Variants in LRRC4C observed in about 807,000 individuals in gnomAD.
LRRC4C encodes leucine rich repeat containing 4C.
LRRC4C carries 5 observed loss-of-function variants against 33.6 expected under a neutral mutation model. The ratio of observed to expected loss-of-function variants is 0.15; its 90% confidence interval spans 0.08 to 0.31. LRRC4C has a LOEUF of 0.31. Among genes scored for constraint, LRRC4C ranks in the 10% least tolerant of loss-of-function variants. The pLI is 1.00. For synonymous variants in LRRC4C, 329 were observed against 302.0 expected (o/e 1.09, Z -0.93); for missense variants, 560 against 796.7 (o/e 0.70, Z 3.58).
At chr11:41,153,983 C>CA (rs140315468) in intron 1 of LRRC4C, among the ~76,000 whole-genome samples, 1,966 of 152,180 alleles carry the variant, frequency 0.013, 52 homozygotes, top group African/African-American at 0.044. Context: ...ACAAGTCAAG[C>CA]AACGTAGACA....
chr11:40,656,589 C>T (rs976217677), intron 2 of LRRC4C, among the ~76,000 whole-genome samples: 3 of 151,982 alleles, frequency 2.0e-5, no homozygotes, highest in East Asian at 1.9e-4. Context: ...AAGGCCTTCA[C>T]GCTCTCGAGA....
At chr11:40,304,482 G>T (rs749990692) in intron 4 of LRRC4C, among the ~76,000 whole-genome samples, 1 of 152,126 alleles carries the variant, frequency 6.6e-6, no homozygotes, top group Non-Finnish European at 1.5e-5. Flanking sequence ...AGAGTTTGGG[G>T]TTTTGCTCAC....
intron 2 of LRRC4C, among the ~76,000 whole-genome samples, chr11:40,932,825 A>G (rs1411687824): frequency 1.3e-5 from 2 of 152,154 alleles, no homozygotes; most frequent in African/African-American, 4.8e-5. Context: ...GAGCTGGAAC[A>G]TTTCATGTGG....
At chr11:41,085,928 CAAAAAAAAAAAAAA>C (rs10717008) in intron 1 of LRRC4C, among the ~76,000 whole-genome samples, 1 of 80,178 alleles carries the variant, frequency 1.2e-5, no homozygotes, top group South Asian at 6.0e-4. Flanking sequence ...TTTAAGACAC[CAAAAAAAAAAAAAA>C]AAAAAAAAAA....
intron 5 of LRRC4C, among the ~76,000 whole-genome samples, chr11:40,147,289 CT>C (rs1263374544): frequency 6.6e-6 from 1 of 152,158 alleles, no homozygotes; most frequent in Non-Finnish European, 1.5e-5. Context: ...CCCTATACGA[CT>C]TTGGGAAATT....
chr11:40,268,131 A>G (rs1942422986), intron 4 of LRRC4C, among the ~76,000 whole-genome samples: 1 of 152,238 alleles, frequency 6.6e-6, no homozygotes, highest in South Asian at 2.1e-4. Flanking sequence ...AAGAGCAAGA[A>G]TAACTTTCAG....
intron 1 of LRRC4C, among the ~76,000 whole-genome samples, chr11:41,237,655 A>G (rs574859010): frequency 1.3e-5 from 2 of 152,206 alleles, no homozygotes; most frequent in Admixed American, 6.5e-5. Flanking sequence ...CAAAAGCACC[A>G]TCAATGTTTC....
In LRRC4C at chr11:40,208,639, A is replaced by G. The variant is rs907159886; in HGVS notation, c.-96+32880T>C. Among the ~76,000 whole-genome samples, 9 of 152,320 alleles carry G rather than the reference A, an allele frequency of 5.9e-5. 1 individual carries two copies. In the East Asian group the frequency reaches 1.7e-3, roughly 29 times the overall value. ...TGTCTGGTGCTTATATATCCCTGTT[A>G]GTATGAATATTCATTTATTTTGCTG... On this transcript the variant is annotated intron_variant, in intron 5 of 6. Coordinates refer to ENST00000528697, the MANE Select transcript of LRRC4C (RefSeq NM_001258419.2).
chr11:40,414,170 T>G (rs1007557542), intron 3 of LRRC4C, among the ~76,000 whole-genome samples: 1 of 152,154 alleles, frequency 6.6e-6, no homozygotes, highest in Non-Finnish European at 1.5e-5. Flanking sequence ...TCATAGAAAT[T>G]CTAGACTTAC....
intron 1 of LRRC4C, among the ~76,000 whole-genome samples, chr11:41,209,078 A>G (rs1590939280): frequency 1.3e-5 from 2 of 151,804 alleles, no homozygotes; most frequent in East Asian, 3.9e-4. Flanking sequence ...TCAGAAAGAA[A>G]AAAAAAAAAA....
intron 2 of LRRC4C, among the ~76,000 whole-genome samples, chr11:40,901,130 C>T (rs1041127286): frequency 6.6e-6 from 1 of 152,032 alleles, no homozygotes; most frequent in Admixed American, 6.6e-5. Flanking sequence ...ATACGGTACA[C>T]ATTTCACAAA....
At chr11:40,959,340 G>T (rs1319039781) in intron 1 of LRRC4C, among the ~76,000 whole-genome samples, 1 of 151,546 alleles carries the variant, frequency 6.6e-6, no homozygotes, top group Non-Finnish European at 1.5e-5. Context: ...AATATTCCAG[G>T]TTTATTACGG....
At chr11:40,642,992 A>G (rs1466369324) in intron 3 of LRRC4C, among the ~76,000 whole-genome samples, 2 of 152,198 alleles carry the variant, frequency 1.3e-5, no homozygotes, top group African/African-American at 4.8e-5. Context: ...CACAAATCCC[A>G]GATATTATAT....
chr11:40,476,189 G>GT (rs1298382393), intron 3 of LRRC4C, among the ~76,000 whole-genome samples: 1 of 152,080 alleles, frequency 6.6e-6, no homozygotes, highest in Non-Finnish European at 1.5e-5. Context: ...GTGTGTGCAT[G>GT]TGTGGGTGTA....
intron 3 of LRRC4C, among the ~76,000 whole-genome samples, chr11:40,521,434 C>T (rs1373221811): frequency 6.6e-6 from 1 of 152,166 alleles, no homozygotes; most frequent in East Asian, 1.9e-4. Flanking sequence ...GCTATTTATG[C>T]TCATTCACTC....
At chr11:40,806,147 C>T (rs1007304058) in intron 2 of LRRC4C, among the ~76,000 whole-genome samples, 4 of 152,154 alleles carry the variant, frequency 2.6e-5, no homozygotes, top group African/African-American at 9.7e-5. Context: ...TGCTGTGTGA[C>T]AAACCACCTC....
At chr11:40,153,586 TAAA>T (rs34679448) in intron 5 of LRRC4C, among the ~76,000 whole-genome samples, 1 of 148,728 alleles carries the variant, frequency 6.7e-6, no homozygotes, top group African/African-American at 2.5e-5. Flanking sequence ...ATAGATAGCT[TAAA>T]AAAAAAAACA....
intron 2 of LRRC4C, among the ~76,000 whole-genome samples, chr11:40,821,264 T>A (rs1270951453): frequency 6.6e-6 from 1 of 151,702 alleles, no homozygotes; most frequent in Non-Finnish European, 1.5e-5. Flanking sequence ...AAAATTCCCA[T>A]GCACTATTTT....
intron 2 of LRRC4C, among the ~76,000 whole-genome samples, chr11:40,698,752 C>A (rs1223629790): frequency 6.6e-6 from 1 of 152,064 alleles, no homozygotes; most frequent in African/African-American, 2.4e-5. Context: ...GGGGAGGCCT[C>A]ATAATCATGG....
Sources: gnomAD v4.1 joint callset for allele counts (sites outside exome capture counted in the v4.1 genomes callset) on GRCh38, gnomAD v4.1.1 for gene constraint, MANE v1.5 for transcripts, NCBI Gene and HGNC (gene_info 2026-07-23, HGNC 2026-07-21) for gene names.